Variants in SMIM14 observed in about 807,000 individuals in gnomAD.
SMIM14 encodes small integral membrane protein 14.
In SMIM14, 5 loss-of-function variants were observed where a neutral mutation model predicts 12.6. The ratio of observed to expected loss-of-function variants is 0.40; its 90% CI spans 0.21 to 0.83. SMIM14 has a LOEUF of 0.83. Among genes scored for constraint, SMIM14 ranks in the 40% least tolerant of loss-of-function variants. The pLI, the probability that SMIM14 is intolerant of heterozygous loss-of-function variation, is 0.37. For synonymous variants in SMIM14, 30 were observed against 40.1 expected (o/e 0.75, Z 0.95); for missense variants, 86 against 119.1 (o/e 0.72, Z 1.29).
In SMIM14 at chr4:39,612,552, A is replaced by G. The variant is rs547182948; in HGVS notation, c.-35-7372T>C. Among the ~76,000 whole-genome samples, 66 of 152,290 alleles carry G rather than the reference A, an allele frequency of 4.3e-4. No individual in the cohort carries two copies. The South Asian group carries it at 7.0e-3, about 16-fold the overall frequency. ...CCTTACTCCTGACGTGTATCCCCCCAGGCCAATACTGTGTTGGTTAAAATG... is the reference window on the plus strand; with the variant it reads ...CCTTACTCCTGACGTGTATCCCCCCGGGCCAATACTGTGTTGGTTAAAATG... On this transcript the variant is annotated intron_variant, in intron 1 of 4. Transcript: ENST00000295958.
rs1712052577 is a variant in SMIM14, at chr4:39,557,056, C to G, written c.125-486G>C. 2.0e-5 allele frequency among the ~76,000 whole-genome samples: 3 copies of G among 149,932 alleles called. No homozygotes were observed. The South Asian group carries it at 6.4e-4, about 32-fold the overall frequency. Reference sequence around the variant, plus strand: ...TTGAGATGGAGTCTCACTCTGTTGCCAAGGCCAGAGTGCAGTGGGACAATG... The same window carrying G: ...TTGAGATGGAGTCTCACTCTGTTGCGAAGGCCAGAGTGCAGTGGGACAATG... On this transcript the variant is annotated intron_variant, in intron 3 of 4. Coordinates refer to ENST00000295958, the MANE Select transcript of SMIM14 (RefSeq NM_174921.3).
intron 2 of SMIM14, among the ~76,000 whole-genome samples, chr4:39,575,818 C>T (rs1372878840): frequency 6.7e-6 from 1 of 150,182 alleles, no homozygotes; most frequent in Non-Finnish European, 1.5e-5. Flanking sequence ...TGGTCTTGAA[C>T]TCCTGGGCTC....
At chr4:39,637,468 C>CAT (rs770510523) in intron 1 of SMIM14, among the ~76,000 whole-genome samples, 35 of 151,966 alleles carry the variant, frequency 2.3e-4, no homozygotes, top group Non-Finnish European at 1.6e-4. Context: ...AATCTAAACT[C>CAT]ATAACTCTTC....
At chr4:39,619,630 CTA>C (rs1715377527) in intron 1 of SMIM14, among the ~76,000 whole-genome samples, 2 of 79,432 alleles carry the variant, frequency 2.5e-5, no homozygotes, top group Non-Finnish European at 4.1e-5. Flanking sequence ...ATAATTTATT[CTA>C]TATATCAATA....
chr4:39,628,502 G>A (rs182835717), intron 1 of SMIM14, among the ~76,000 whole-genome samples: 13 of 151,300 alleles, frequency 8.6e-5, no homozygotes, highest in Admixed American at 2.6e-4. Flanking sequence ...GTGAAACCCC[G>A]TCTCTACTAA....
At chr4:39,593,069 C>T (rs1275557062) in intron 2 of SMIM14, 1 of 151,690 alleles carries the variant, frequency 6.6e-6, no homozygotes, top group Non-Finnish European at 1.5e-5. Context: ...CAGCATCATC[C>T]TGATACCAAA....
At chr4:39,579,806 T>A (rs1040320887) in intron 2 of SMIM14, among the ~76,000 whole-genome samples, 1 of 146,782 alleles carries the variant, frequency 6.8e-6, no homozygotes, top group African/African-American at 2.5e-5. Flanking sequence ...ACCATGCCAC[T>A]GTACTCCAGC....
At chr4:39,588,628 T>C (rs1393134962) in intron 2 of SMIM14, among the ~76,000 whole-genome samples, 1 of 152,012 alleles carries the variant, frequency 6.6e-6, no homozygotes, top group Non-Finnish European at 1.5e-5. Flanking sequence ...AAATGCAAAA[T>C]ATTATTAAAT....
At chr4:39,618,661 A>AC (rs1204821875) in intron 1 of SMIM14, among the ~76,000 whole-genome samples, 17 of 151,124 alleles carry the variant, frequency 1.1e-4, no homozygotes, top group Admixed American at 9.9e-4. Flanking sequence ...AAAAAAAAAA[A>AC]AAACAAAAAA....
intron 1 of SMIM14, among the ~76,000 whole-genome samples, chr4:39,634,064 G>A (rs1716004868): frequency 6.6e-6 from 1 of 152,196 alleles, no homozygotes; most frequent in Non-Finnish European, 1.5e-5. Flanking sequence ...AAGTAGCTGG[G>A]ATTACAGGCG....
intron 3 of SMIM14, among the ~76,000 whole-genome samples, chr4:39,562,823 T>TTTTTTTTTTTTTTTTTTTTTTG (rs1553861780): frequency 1.1e-4 from 16 of 150,172 alleles, no homozygotes; most frequent in African/African-American, 3.8e-4. Context: ...TTTGTATTTT[T>TTTTTTTTTTTTTTTTTTTTTTG]AGTAGAGACG....
At chr4:39,564,807 G>A (rs1712492014) in intron 3 of SMIM14, among the ~76,000 whole-genome samples, 1 of 152,182 alleles carries the variant, frequency 6.6e-6, no homozygotes, top group South Asian at 2.1e-4. Flanking sequence ...CACATTTCAG[G>A]CACAAGGAAC....
chr4:39,568,005 C>T (rs1712666755), intron 3 of SMIM14, among the ~76,000 whole-genome samples: 2 of 151,930 alleles, frequency 1.3e-5, no homozygotes, highest in African/African-American at 4.8e-5. Context: ...AGGCCGGGCG[C>T]GGTAGCTCAC....
At chr4:39,614,030 TA>T (rs1715125041) in intron 1 of SMIM14, among the ~76,000 whole-genome samples, 2 of 151,728 alleles carry the variant, frequency 1.3e-5, no homozygotes, top group African/African-American at 4.8e-5. Context: ...CAGTCTCTAC[TA>T]AAAATACAAA....
chr4:39,629,467 G>A (rs1032482925), intron 1 of SMIM14, among the ~76,000 whole-genome samples: 7 of 139,264 alleles, frequency 5.0e-5, no homozygotes, highest in African/African-American at 1.6e-4. Context: ...TTTTTTTGGA[G>A]ACAGGGTCTC....
chr4:39,561,077 T>C (rs1712288644), intron 3 of SMIM14, among the ~76,000 whole-genome samples: 1 of 152,094 alleles, frequency 6.6e-6, no homozygotes, highest in South Asian at 2.1e-4. Flanking sequence ...AGTTTCCCTG[T>C]GTGAAATGCT....
chr4:39,572,277 C>CGT, intron 3 of SMIM14, 138 bp downstream of exon 3: 1 of 208,862 alleles, frequency 4.8e-6, no homozygotes, highest in Non-Finnish European at 8.4e-6. Context: ...GTATGTGTCG[C>CGT]TTTTTTTTTT....
At chr4:39,600,545 CCGAG>C (rs1442912701) in intron 2 of SMIM14, among the ~76,000 whole-genome samples, 1 of 152,048 alleles carries the variant, frequency 6.6e-6, no homozygotes, top group Non-Finnish European at 1.5e-5. Context: ...CAAAAATTAG[CCGAG>C]CGTGGTGGCA....
At chr4:39,604,004 C>T (rs1466126673) in intron 2 of SMIM14, among the ~76,000 whole-genome samples, 1 of 135,440 alleles carries the variant, frequency 7.4e-6, no homozygotes, top group Admixed American at 7.6e-5. Context: ...GAGTGAGACA[C>T]TGTCTCAAAA....
Sources: allele counts gnomAD v4.1 joint callset (sites outside exome capture counted in the v4.1 genomes callset), GRCh38; gene constraint gnomAD v4.1.1; transcripts MANE v1.5; gene names NCBI Gene and HGNC (gene_info 2026-07-23, HGNC 2026-07-21).